The following KMT2C variants were observed in gnomAD, a reference collection of about 807,000 sequenced individuals.
The protein encoded by KMT2C is histone-lysine N-methyltransferase 2C.
KMT2C carries 88 observed loss-of-function variants against 507.9 expected under a neutral mutation model. The observed-to-expected ratio is 0.17, with a 90% CI of 0.15 to 0.21. The LOEUF (loss-of-function observed/expected upper bound fraction) is 0.21. Ranked by LOEUF, KMT2C falls within the 10% of genes least tolerant of loss-of-function variation. The pLI, the probability that KMT2C is intolerant of heterozygous loss-of-function variation, is 1.00. For synonymous variants in KMT2C, 2,049 were observed against 2,080.8 expected (o/e 0.98, Z 0.42); for missense variants, 4,954 against 5,957.8 (o/e 0.83, Z 5.55).
intron 40 of KMT2C, 95 bp from the exon 41 acceptor site, chr7:152,169,344 G>C: frequency 7.1e-6 from 5 of 699,380 alleles, no homozygotes; most frequent in Non-Finnish European, 1.2e-5. Flanking sequence ...AGAAATGGAA[G>C]AAAAAACCCT....
At chr7:152,281,553 G>A (rs2096209297) in intron 6 of KMT2C, among the ~76,000 whole-genome samples, 1 of 152,208 alleles carries the variant, frequency 6.6e-6, no homozygotes, top group Admixed American at 6.5e-5. Flanking sequence ...CCAACATGGT[G>A]AGACCCCGTT....
intron 6 of KMT2C, among the ~76,000 whole-genome samples, chr7:152,295,378 C>G (rs1428970541): frequency 6.6e-6 from 1 of 152,168 alleles, no homozygotes; most frequent in Non-Finnish European, 1.5e-5. Context: ...CTAGTATTCT[C>G]TACCCTACTT....
intron 6 of KMT2C, among the ~76,000 whole-genome samples, chr7:152,274,508 C>T (rs1326775805): frequency 2.0e-5 from 3 of 152,164 alleles, no homozygotes; most frequent in Non-Finnish European, 2.9e-5. Flanking sequence ...TGGTAAAACG[C>T]ACAGAAATAA....
At chr7:152,256,869 A>G (rs746745585) in intron 9 of KMT2C, among the ~76,000 whole-genome samples, 1 of 152,208 alleles carries the variant, frequency 6.6e-6, no homozygotes, top group Non-Finnish European at 1.5e-5. Context: ...TCCTGTTAGC[A>G]AAGACGTAAG....
intron 1 of KMT2C, among the ~76,000 whole-genome samples, chr7:152,426,863 A>G (rs1470243182): frequency 6.6e-6 from 1 of 152,336 alleles, no homozygotes; most frequent in East Asian, 1.9e-4. Context: ...ACTTGAATCC[A>G]GAAGGTCTAG....
At chr7:152,416,527 C>CAACAGAGCGA in intron 1 of KMT2C, among the ~76,000 whole-genome samples, 1 of 149,182 alleles carries the variant, frequency 6.7e-6, no homozygotes, top group Non-Finnish European at 1.5e-5. Context: ...CCAGCCTGGG[C>CAACAGAGCGA]GACAGAGCAA....
chr7:152,203,378 T>C (rs2094203074), intron 25 of KMT2C, among the ~76,000 whole-genome samples: 1 of 151,986 alleles, frequency 6.6e-6, no homozygotes, highest in Non-Finnish European at 1.5e-5. Flanking sequence ...CTCATGAGTA[T>C]GACGAAATGG....
chr7:152,331,669 AT>A (rs2096885179), intron 2 of KMT2C, among the ~76,000 whole-genome samples: 2 of 69,834 alleles, frequency 2.9e-5, no homozygotes, highest in East Asian at 7.8e-4. Flanking sequence ...TTTTTTTTTG[AT>A]GGAGTCTCGC....
At chr7:152,391,699 G>A (rs561857533) in intron 1 of KMT2C, among the ~76,000 whole-genome samples, 45 of 152,032 alleles carry the variant, frequency 3.0e-4, no homozygotes, top group African/African-American at 1.1e-3. Context: ...ACCACACCGG[G>A]CTAATTTTTG....
At chr7:152,194,680 TA>T (rs1419334112) in intron 28 of KMT2C, 112 bp from the exon 29 acceptor site, 2 of 701,762 alleles carry the variant, frequency 2.8e-6, no homozygotes, top group African/African-American at 1.8e-5. Flanking sequence ...AATAGAGAAA[TA>T]AAGTCTGTAA....
chr7:152,388,463 G>A (rs2097454363), intron 1 of KMT2C, among the ~76,000 whole-genome samples: 1 of 152,020 alleles, frequency 6.6e-6, no homozygotes, highest in Admixed American at 6.5e-5. Context: ...GGAGGCTGAG[G>A]CAGAAGAATC....
At chr7:152,244,330 G>A (rs1408039669) in intron 14 of KMT2C, among the ~76,000 whole-genome samples, 1 of 152,084 alleles carries the variant, frequency 6.6e-6, no homozygotes, top group Non-Finnish European at 1.5e-5. Context: ...ATATGTGGCA[G>A]TGTCAATAAT....
intron 24 of KMT2C, among the ~76,000 whole-genome samples, chr7:152,206,930 A>T (rs1287219830): frequency 6.6e-6 from 1 of 152,192 alleles, no homozygotes; most frequent in African/African-American, 2.4e-5. Context: ...TCAAAAAAAG[A>T]TATTAGAAAG....
At chr7:152,313,433 A>G (rs1014051275) in intron 4 of KMT2C, among the ~76,000 whole-genome samples, 14 of 152,146 alleles carry the variant, frequency 9.2e-5, no homozygotes, top group African/African-American at 2.4e-4. Context: ...TGTATATACC[A>G]TATCAGTAAG....
intron 2 of KMT2C, among the ~76,000 whole-genome samples, chr7:152,337,403 A>T (rs1420999300): frequency 1.3e-5 from 2 of 152,258 alleles, no homozygotes; most frequent in African/African-American, 4.8e-5. Context: ...AAGATAAATT[A>T]GATCTAACCC....
intron 1 of KMT2C, chr7:152,367,545 A>G (rs1054015241): frequency 8.2e-7 from 1 of 1,218,006 alleles, no homozygotes. Flanking sequence ...GAAAGTCGAC[A>G]TTAATCAACT....
intron 14 of KMT2C, among the ~76,000 whole-genome samples, chr7:152,243,279 C>G (rs561158237): frequency 4.8e-4 from 73 of 152,262 alleles, no homozygotes; most frequent in Non-Finnish European, 9.3e-4. Context: ...CACAAGTGAA[C>G]TAAAAGGAAA....
At chr7:152,197,315 C>T (rs1008618597) in intron 27 of KMT2C, among the ~76,000 whole-genome samples, 5 of 152,086 alleles carry the variant, frequency 3.3e-5, no homozygotes, top group Admixed American at 6.6e-5. Context: ...TTTAGGCTAG[C>T]TTTAATAATT....
intron 3 of KMT2C, among the ~76,000 whole-genome samples, chr7:152,325,708 A>C (rs1329523631): frequency 6.6e-6 from 1 of 152,032 alleles, no homozygotes; most frequent in Non-Finnish European, 1.5e-5. Context: ...AACCTCCCAA[A>C]GTGCTAGGAT....
Sources: allele counts gnomAD v4.1 joint callset (sites outside exome capture counted in the v4.1 genomes callset), GRCh38; gene constraint gnomAD v4.1.1; transcripts MANE v1.5; gene names NCBI Gene and HGNC (gene_info 2026-07-23, HGNC 2026-07-21).